Variants in EHBP1 observed in about 807,000 individuals in gnomAD.
The protein encoded by EHBP1 is EH domain-binding protein 1.
Under a neutral mutation model 144.0 loss-of-function variants are expected in EHBP1, and 55 were observed. The ratio of observed to expected loss-of-function variants is 0.38; its 90% confidence interval spans 0.31 to 0.48. EHBP1 has a LOEUF of 0.48. Ranked by LOEUF, EHBP1 falls within the 20% of genes least tolerant of loss-of-function variation. The pLI, the probability that EHBP1 is intolerant of heterozygous loss-of-function variation, is 0.98. For synonymous variants in EHBP1, 469 were observed against 472.7 expected, an observed-to-expected ratio of 0.99 and a Z score of 0.10; for missense variants, 1,200 against 1,364.2, an observed-to-expected ratio of 0.88 and a Z score of 1.90.
At chr2:62,863,357 G>T (rs1212738621) in intron 8 of EHBP1, among the ~76,000 whole-genome samples, 1 of 151,966 alleles carries the variant, frequency 6.6e-6, no homozygotes, top group Non-Finnish European at 1.5e-5. Flanking sequence ...ACTTTGGGAG[G>T]CCGAGGCAGG....
upstream of EHBP1, among the ~76,000 whole-genome samples, chr2:62,702,125 T>C (rs1254616267): frequency 6.6e-6 from 1 of 152,220 alleles, no homozygotes; most frequent in African/African-American, 2.4e-5. Context: ...AAAAAAGCTG[T>C]TTCACTGAAA....
In EHBP1 at chr2:62,690,821, A is replaced by G. The variant is rs961084426; in HGVS notation, c.-295-16076A>G. On this transcript the variant is annotated intron_variant, in intron 1 of 22. Coordinates refer to the EHBP1 transcript ENST00000405015. ...CCCACTGGACACCTATTTCAAAGGA[A>G]GGATTTTGCCCTCTCCCCATACACC... Among the ~76,000 whole-genome samples, 11 of 152,298 alleles carry G rather than the reference A, an allele frequency of 7.2e-5. No individual in the cohort carries two copies. The South Asian group carries it at 2.3e-3, about 32-fold the overall frequency.
At chr2:63,029,591 A>G (rs938946710) in intron 19 of EHBP1, among the ~76,000 whole-genome samples, 1 of 151,802 alleles carries the variant, frequency 6.6e-6, no homozygotes, top group Middle Eastern at 3.2e-3. Flanking sequence ...CTTTATGTGG[A>G]TTTTCTCAAT....
intron 2 of EHBP1, among the ~76,000 whole-genome samples, chr2:62,719,604 T>C (rs1285227979): frequency 6.6e-6 from 1 of 152,214 alleles, no homozygotes; most frequent in Admixed American, 6.5e-5. Context: ...GTTCTGCATC[T>C]ATGGATTCAA....
intron 7 of EHBP1, chr2:62,858,603 G>C: frequency 1.2e-6 from 1 of 809,984 alleles, no homozygotes; most frequent in East Asian, 2.6e-5. Flanking sequence ...TTATCTGTCA[G>C]TTTTGTCTTT....
At chr2:62,762,859 C>A (rs1221905462) in intron 3 of EHBP1, among the ~76,000 whole-genome samples, 1 of 152,208 alleles carries the variant, frequency 6.6e-6, no homozygotes, top group Non-Finnish European at 1.5e-5. Flanking sequence ...ATTGTCATTC[C>A]TCTCCTTGAA....
chr2:62,871,867 G>A (rs534340981), intron 9 of EHBP1, among the ~76,000 whole-genome samples: 1 of 152,164 alleles, frequency 6.6e-6, no homozygotes, highest in South Asian at 2.1e-4. Flanking sequence ...CTTATGTTTG[G>A]GGGATAATTC....
At chr2:62,971,174 T>G (rs1223569524) in intron 14 of EHBP1, among the ~76,000 whole-genome samples, 1 of 152,158 alleles carries the variant, frequency 6.6e-6, no homozygotes, top group Non-Finnish European at 1.5e-5. Flanking sequence ...GTGTCCAAAG[T>G]GGTTAGTTCT....
chr2:62,810,371 G>C (rs2044888415), intron 5 of EHBP1, among the ~76,000 whole-genome samples: 1 of 152,216 alleles, frequency 6.6e-6, no homozygotes, highest in Non-Finnish European at 1.5e-5. Flanking sequence ...CGGATGATGA[G>C]GCTTGCTTGA....
chr2:62,753,928 A>T (rs1461702900), intron 3 of EHBP1, among the ~76,000 whole-genome samples: 5 of 152,142 alleles, frequency 3.3e-5, no homozygotes, highest in Non-Finnish European at 5.9e-5. Flanking sequence ...CTCCTTTGCG[A>T]TGGGTTCGAA....
intron 19 of EHBP1, among the ~76,000 whole-genome samples, chr2:63,035,601 G>A (rs77904397): frequency 0.014 from 2,194 of 151,998 alleles, 26 homozygotes; most frequent in Non-Finnish European, 0.021. Context: ...TAAGTTAAAC[G>A]CAAAAGAAAG....
intron 1 of EHBP1, among the ~76,000 whole-genome samples, chr2:62,683,591 GGAGGTTGCAGT>G (rs922962043): frequency 4.7e-5 from 7 of 150,030 alleles, no homozygotes; most frequent in Non-Finnish European, 8.9e-5. Context: ...TCCGGGAGAC[GGAGGTTGCAGT>G]GAGCTGAGAT....
rs373399149 is a variant in EHBP1 at position 62,683,629 on chromosome 2, A to T, written c.-296+9546A>T. Among the ~76,000 whole-genome samples the T allele has an allele frequency of 1.0e-4, 14 of 137,810 alleles. No homozygotes were observed. In the East Asian group the frequency reaches 1.5e-3, roughly 15 times the overall value. The allele number at this position is 137,810 out of a possible 152,430, so 90.4% of individuals were successfully genotyped here. A position where few individuals can be genotyped will look rare whatever the true frequency, so the allele number is the denominator to read the frequency against. On this transcript the variant is annotated intron_variant, in intron 1 of 22. Transcript: ENST00000405015. ...AGCTGAGATCGCGCCACTGCACTCC[A>T]GCCTGGGCGAAAGAGCGAGACTCCA...
At chr2:62,785,732 A>G (rs371055801) in intron 5 of EHBP1, among the ~76,000 whole-genome samples, 19 of 152,168 alleles carry the variant, frequency 1.2e-4, no homozygotes, top group East Asian at 3.9e-4. Flanking sequence ...TATACAACCT[A>G]CTTTTTCTTA....
intron 17 of EHBP1, 27 bp downstream of exon 17, chr2:62,993,695 C>T (rs1236813661): frequency 6.8e-7 from 1 of 1,473,588 alleles, no homozygotes; most frequent in Non-Finnish European, 9.1e-7. Context: ...AATGTTTTTC[C>T]ATGTTATGGT....
intron 10 of EHBP1, among the ~76,000 whole-genome samples, chr2:62,879,590 CAG>C (rs1389019782): frequency 1.3e-4 from 18 of 139,198 alleles, no homozygotes; most frequent in East Asian, 2.1e-4. Flanking sequence ...CACACACACA[CAG>C]AGACAGAGAG....
chr2:62,863,667 T>C (rs2049785924), intron 8 of EHBP1, among the ~76,000 whole-genome samples: 1 of 151,904 alleles, frequency 6.6e-6, no homozygotes, highest in Non-Finnish European at 1.5e-5. Flanking sequence ...TTTGAAAACT[T>C]TGAGAAAACA....
At chr2:62,799,577 A>G (rs1573412732) in intron 5 of EHBP1, among the ~76,000 whole-genome samples, 2 of 152,318 alleles carry the variant, frequency 1.3e-5, no homozygotes, top group African/African-American at 2.4e-5. Context: ...TTTTTAATCT[A>G]AAGAAAGAAG....
chr2:62,923,985 A>T (rs2055300594), intron 10 of EHBP1, among the ~76,000 whole-genome samples: 1 of 152,190 alleles, frequency 6.6e-6, no homozygotes. Flanking sequence ...AAACAGCCTC[A>T]TGGGTCCCTA....
Sources: allele counts gnomAD v4.1 joint callset (sites outside exome capture counted in the v4.1 genomes callset), GRCh38; gene constraint gnomAD v4.1.1; transcripts MANE v1.5; gene names NCBI Gene and HGNC (gene_info 2026-07-23, HGNC 2026-07-21).